The following TEX10 variants were observed in gnomAD, a reference collection of about 807,000 sequenced individuals.
TEX10 encodes testis-expressed protein 10.
A neutral mutation model predicts 104.4 loss-of-function variants in TEX10; 24 were observed. The observed-to-expected ratio is 0.23, with a 90% CI of 0.17 to 0.32. TEX10 has a LOEUF of 0.32. Ranked by LOEUF, TEX10 falls within the 10% of genes least tolerant of loss-of-function variation. The pLI is 1.00. For missense variants in TEX10, 921 were observed against 1,083.9 expected, an observed-to-expected ratio of 0.85 and a Z score of 2.11; for synonymous variants, 396 against 393.4, an observed-to-expected ratio of 1.01 and a Z score of -0.08.
rs1834580335 is a variant in TEX10, at chr9:100,321,838, C to T, written c.1980-67G>A. On this transcript the variant is annotated intron_variant, in intron 9 of 14. Transcript: ENST00000374902. ...CTTGACAGACTTGTCAAAGGTAGCA[C>T]AGTATATAACCATTGTTCTTTACTG... 6.1e-6 allele frequency: 7 copies of T among 1,154,452 alleles called. No homozygotes were observed. In the East Asian group the frequency reaches 1.6e-4, roughly 27 times the overall value. The allele number at this position is 1,154,452 out of a possible 1,614,324, so 71.5% of individuals were successfully genotyped here.
intron 1 of TEX10, among the ~76,000 whole-genome samples, chr9:100,352,232 A>AG (rs1835471726): frequency 6.6e-6 from 1 of 152,154 alleles, no homozygotes; most frequent in Non-Finnish European, 1.5e-5. Flanking sequence ...AACTCCACTG[A>AG]GGGGCCAACC....
Position 100,308,555 on chromosome 9 carries a change from G to A in TEX10, c.2410C>T (p.Leu804Phe). 5.0e-6 allele frequency: 8 copies of A among 1,612,552 alleles called. No homozygotes were observed. The highest frequency in any genetic ancestry group is 6.8e-6 in the Non-Finnish European group (8 of 1,179,156). Reference protein sequence around the residue: ...LPFLASCCYSLLYFLLTIEKG... With the variant: ...LPFLASCCYSFLYFLLTIEKG... Reference sequence around the variant, plus strand: ...TCTATAGTGAGCAGAAAATAAAGAAGACTGTAGCAACAAGAAGCCAGAAAT... The same window carrying A: ...TCTATAGTGAGCAGAAAATAAAGAAAACTGTAGCAACAAGAAGCCAGAAAT... Residue 804 changes from leucine (L) to phenylalanine (F), a missense_variant, in exon 13 of 15, where the codon CTT becomes TTT. Transcript: ENST00000374902.
intron 11 of TEX10, 151 bp from the exon 12 acceptor site, chr9:100,310,530 C>A: frequency 3.0e-6 from 2 of 668,900 alleles, no homozygotes; most frequent in Non-Finnish European, 5.0e-6. Flanking sequence ...CCCCCGTGAC[C>A]TGGCTCAAGC....
In TEX10 at chr9:100,321,644, G is replaced by C. The variant is rs754547439; in HGVS notation, c.2068+39C>G. The C allele has an allele frequency of 1.1e-5, 16 of 1,507,072 alleles. No homozygotes were observed. In the South Asian group the frequency reaches 1.7e-4, roughly 16 times the overall value. 93.4% of individuals were successfully genotyped at this position (1,507,072 alleles called of 1,614,324 possible). A position where few individuals can be genotyped will look rare whatever the true frequency, so the allele number is the denominator to read the frequency against. Reference sequence around the variant, plus strand: ...AGAAGGAGAATTGTGATTCATATTAGGTTTTTTCTTTTTTAATCTGGCAAG... The same window carrying C: ...AGAAGGAGAATTGTGATTCATATTACGTTTTTTCTTTTTTAATCTGGCAAG... On this transcript the variant is annotated intron_variant, in intron 10 of 14. Transcript: ENST00000374902.
Position 100,310,306 on chromosome 9 carries a change from T to C in TEX10, c.2276A>G (p.Lys759Arg). 3.7e-6 allele frequency: 6 copies of C among 1,614,020 alleles called. No individual in the cohort carries two copies. Among genetic ancestry groups the C allele is most frequent in the Non-Finnish European group, 5.1e-6 (6 of 1,179,946 alleles). Reference sequence around the variant, plus strand: ...AAGTTTAAGGATACTTACCAAATGCTTACTGATGGCACTTTGCAAGATGTC... The same window carrying C: ...AAGTTTAAGGATACTTACCAAATGCCTACTGATGGCACTTTGCAAGATGTC... ...NFDILQSAIS[K>R]HLVGLTVIPD... The change falls in exon 12 of 15, where the codon AAG (lysine) becomes AGG (arginine). Residue 759 changes from lysine (K) to arginine (R), a missense_variant. By Grantham distance (26) the Lys-to-Arg change is conservative. This residue lies in a region of TEX10 where 753 missense variants were observed against 868.4 expected (regional missense o/e 0.87). Coordinates refer to ENST00000374902, the MANE Select transcript of TEX10 (RefSeq NM_017746.4).
chr9:100,335,865 A>G (rs1352759027), intron 5 of TEX10, among the ~76,000 whole-genome samples: 7 of 152,114 alleles, frequency 4.6e-5, no homozygotes, highest in Admixed American at 4.6e-4. Context: ...AAAATAAATT[A>G]TATCATTTTT....
intron 11 of TEX10, 78 bp from the exon 12 acceptor site, chr9:100,310,457 G>C: frequency 7.5e-7 from 1 of 1,336,436 alleles, no homozygotes; most frequent in South Asian, 1.3e-5. Flanking sequence ...TCTTTTTTTT[G>C]AGACAGAGTT....
chr9:100,330,177 C>A lies in TEX10; in HGVS notation c.1251-8G>T. 2 of 1,549,196 alleles carry A rather than the reference C, an allele frequency of 1.3e-6. No homozygotes were observed. Among genetic ancestry groups the A allele is most frequent in the South Asian group, 2.3e-5 (2 of 87,846 alleles). On this transcript the variant is annotated splice_region_variant and splice_polypyrimidine_tract_variant and intron_variant, in intron 5 of 14. Coordinates refer to ENST00000374902, the MANE Select transcript of TEX10 (RefSeq NM_017746.4). ...ACTGTGCAATGCTTGATGCTAGAAA[C>A]AAAGACACACACATCTATAAAGCAT...
intron 4 of TEX10, among the ~76,000 whole-genome samples, chr9:100,340,680 T>C (rs905076882): frequency 6.6e-6 from 1 of 152,192 alleles, no homozygotes; most frequent in African/African-American, 2.4e-5. Context: ...TTATGAAATA[T>C]ACAAGAAAGT....
rs1182764934 is a variant in TEX10 at position 100,339,245 on chromosome 9, C to CAA, written c.1250+1010_1250+1011dup. Among the ~76,000 whole-genome samples the CAA allele has an allele frequency of 5.8e-4, 17 of 29,412 alleles. 2 individuals carry two copies. Among genetic ancestry groups the CAA allele is most frequent in the South Asian group, 2.1e-3 (1 of 470 alleles). 19.3% of individuals were successfully genotyped at this position (29,412 alleles called of 152,430 possible). On this transcript the variant is annotated intron_variant, in intron 5 of 14. Transcript: ENST00000374902. ...TGGGAAACAGAGTGAGACTCCATCT[C>CAA]AAAAAAAAAAAAAAAAAAAAAAAAA...
Position 100,308,551 on chromosome 9 carries a change from A to G in TEX10, c.2414T>C (p.Leu805Pro), listed in dbSNP as rs1834196918. Residue 805 changes from leucine (L) to proline (P), a missense_variant, in exon 13 of 15, where the codon CTT becomes CCT. Leu to Pro is a moderately conservative substitution (Grantham distance 98). Around this residue, in one of 3 missense-constraint regions of TEX10, gnomAD observed 753 missense variants for 868.4 expected, o/e 0.87. Coordinates refer to ENST00000374902, the MANE Select transcript of TEX10 (RefSeq NM_017746.4). The part of the protein sequence containing the change: ...PFLASCCYSL[L>P]YFLLTIEKGE... The stretch of plus-strand genomic sequence containing the variant: ...TTTCTCTATAGTGAGCAGAAAATAA[A>G]GAAGACTGTAGCAACAAGAAGCCAG... 1 of 1,612,626 alleles carries G rather than the reference A, an allele frequency of 6.2e-7. No individual in the cohort carries two copies. Among genetic ancestry groups the G allele is most frequent in the African/African-American group, 1.3e-5 (1 of 74,882 alleles).
At chr9:100,345,154 T>C (rs1431280648) in intron 4 of TEX10, among the ~76,000 whole-genome samples, 3 of 152,144 alleles carry the variant, frequency 2.0e-5, no homozygotes, top group Non-Finnish European at 4.4e-5. Context: ...TAAAACAAAG[T>C]CTCAAAACCG....
intron 11 of TEX10, among the ~76,000 whole-genome samples, chr9:100,312,851 G>A (rs1440259981): frequency 6.6e-6 from 1 of 152,124 alleles, no homozygotes; most frequent in African/African-American, 2.4e-5. Flanking sequence ...CACAGTACCA[G>A]GCACTATGGG....
chr9:100,327,099 G>A (rs1009544697), intron 8 of TEX10, among the ~76,000 whole-genome samples: 2 of 152,114 alleles, frequency 1.3e-5, no homozygotes, highest in African/African-American at 4.8e-5. Context: ...CCCATGTTAT[G>A]TAATTCCAAA....
intron 13 of TEX10, 52 bp downstream of exon 13, chr9:100,308,448 G>T: frequency 6.9e-7 from 1 of 1,443,208 alleles, no homozygotes; most frequent in African/African-American, 1.4e-5. Context: ...TTATTTGGTT[G>T]GGGGAGGAGG....
At chr9:100,302,375 A>T in intron 14 of TEX10, 71 bp from the exon 15 acceptor site, 1 of 1,044,914 alleles carries the variant, frequency 9.6e-7, no homozygotes, top group Non-Finnish European at 1.4e-6. Context: ...TATTTTTCAC[A>T]CCCAAACACA....
intron 5 of TEX10, among the ~76,000 whole-genome samples, chr9:100,339,000 T>C (rs1331652895): frequency 1.3e-5 from 2 of 151,928 alleles, no homozygotes; most frequent in African/African-American, 4.8e-5. Flanking sequence ...ATGCCTATAA[T>C]TACAGCACTT....
At chr9:100,305,725 G>A (rs1395108514) in intron 13 of TEX10, 2 of 152,206 alleles carry the variant, frequency 1.3e-5, no homozygotes, top group African/African-American at 4.8e-5. Flanking sequence ...ACTGTATGTG[G>A]GATTTTAGGG....
At chr9:100,344,577 G>A (rs1408621703) in intron 4 of TEX10, among the ~76,000 whole-genome samples, 3 of 152,206 alleles carry the variant, frequency 2.0e-5, no homozygotes, top group African/African-American at 2.4e-5. Context: ...CAGGCGTGGT[G>A]GCTCACGCCT....
Sources: allele counts gnomAD v4.1 joint callset (sites outside exome capture counted in the v4.1 genomes callset), GRCh38; gene constraint gnomAD v4.1.1; regional missense constraint gnomAD v4.1.1; transcripts MANE v1.5; gene names NCBI Gene and HGNC (gene_info 2026-07-23, HGNC 2026-07-21).